The following FOXP1 variants were observed in gnomAD, a reference collection of about 807,000 sequenced individuals.
FOXP1 encodes forkhead box protein P1.
A neutral mutation model predicts 98.2 loss-of-function variants in FOXP1; 15 were observed. That is an observed-to-expected ratio of 0.15 (90% confidence interval 0.10 to 0.24). The LOEUF is 0.24. Ranked by LOEUF, FOXP1 falls within the 10% of genes least tolerant of loss-of-function variation. The probability of loss-of-function intolerance (pLI) is 1.00; values close to 1 mark genes in which losing one functional copy is unlikely to be tolerated. For missense variants in FOXP1, 633 were observed against 848.5 expected, an observed-to-expected ratio of 0.75 and a Z score of 3.15; for synonymous variants, 371 against 314.5, an observed-to-expected ratio of 1.18 and a Z score of -1.90.
In FOXP1 at chr3:71,480,143, C is replaced by T. The variant is rs568755433; in HGVS notation, c.-168+13283G>A. ...CCCGGGAGGCAGAGTAAGAGAAGATCGCGCCACTGCACTCTAGCCTGGGTG... is the reference window on the plus strand; with the variant it reads ...CCCGGGAGGCAGAGTAAGAGAAGATTGCGCCACTGCACTCTAGCCTGGGTG... On this transcript the variant is annotated intron_variant, in intron 3 of 20. Transcript: ENST00000649528. Among the ~76,000 whole-genome samples the T allele has an allele frequency of 4.5e-4, 69 of 152,250 alleles. 1 individual carries two copies. Among genetic ancestry groups the T allele is most frequent in the Admixed American group, 1.6e-3 (25 of 15,284 alleles).
At chr3:71,502,311 C>T (rs565129219) in intron 2 of FOXP1, among the ~76,000 whole-genome samples, 3 of 152,302 alleles carry the variant, frequency 2.0e-5, no homozygotes, top group South Asian at 4.1e-4. Context: ...CCTGGAAGGA[C>T]GGTCAAGTGA....
At chr3:71,500,599 A>G (rs985796389) in intron 2 of FOXP1, among the ~76,000 whole-genome samples, 1 of 152,212 alleles carries the variant, frequency 6.6e-6, no homozygotes, top group African/African-American at 2.4e-5. Context: ...CATCATCTGG[A>G]TGAATGGAGA....
chr3:70,962,184 T>C (rs1559568344), intron 20 of FOXP1, among the ~76,000 whole-genome samples: 1 of 152,270 alleles, frequency 6.6e-6, no homozygotes, highest in South Asian at 2.1e-4. Flanking sequence ...TTACAATTTA[T>C]AATGTTTATG....
At chr3:70,960,504 T>C (rs2033119608) in intron 20 of FOXP1, among the ~76,000 whole-genome samples, 1 of 152,252 alleles carries the variant, frequency 6.6e-6, no homozygotes, top group African/African-American at 2.4e-5. Context: ...CAACTGATCC[T>C]TTGCATATAC....
At chr3:71,456,469 A>T (rs753084881) in intron 3 of FOXP1, among the ~76,000 whole-genome samples, 9 of 152,184 alleles carry the variant, frequency 5.9e-5, no homozygotes, top group Non-Finnish European at 1.3e-4. Context: ...CATATTGTCA[A>T]CATCAGAATA....
chr3:71,050,956 C>G (rs528311813), intron 9 of FOXP1, among the ~76,000 whole-genome samples: 25 of 152,158 alleles, frequency 1.6e-4, no homozygotes, highest in Non-Finnish European at 3.1e-4. Context: ...AAGGAAAAAA[C>G]TGAAATTCCC....
At chr3:71,311,069 T>A (rs1180300874) in intron 4 of FOXP1, among the ~76,000 whole-genome samples, 1 of 151,976 alleles carries the variant, frequency 6.6e-6, no homozygotes, top group Non-Finnish European at 1.5e-5. Flanking sequence ...CCCCTCCCAC[T>A]TTTTTTTGTT....
chr3:71,083,151 G>A (rs1048051566), intron 7 of FOXP1, among the ~76,000 whole-genome samples: 2 of 152,096 alleles, frequency 1.3e-5, no homozygotes, highest in African/African-American at 4.8e-5. Flanking sequence ...CTGGTGGGAG[G>A]TATTTGGGTC....
intron 3 of FOXP1, among the ~76,000 whole-genome samples, chr3:71,492,079 G>A (rs1012851356): frequency 2.6e-5 from 4 of 152,048 alleles, no homozygotes; most frequent in Admixed American, 1.3e-4. Context: ...TGTAAACTGA[G>A]GTATTTAAAT....
At chr3:71,044,847 G>T (rs1032541148) in intron 10 of FOXP1, among the ~76,000 whole-genome samples, 2 of 152,144 alleles carry the variant, frequency 1.3e-5, no homozygotes, top group African/African-American at 4.8e-5. Context: ...GACAAACAGA[G>T]TTGATCAACC....
intron 9 of FOXP1, among the ~76,000 whole-genome samples, chr3:71,050,771 C>T (rs2049777451): frequency 1.3e-5 from 2 of 152,226 alleles, no homozygotes; most frequent in African/African-American, 4.8e-5. Flanking sequence ...ATGACAAGCA[C>T]TGTCTGAGAC....
chr3:71,218,743 A>C (rs2065130564), intron 5 of FOXP1, among the ~76,000 whole-genome samples: 2 of 152,226 alleles, frequency 1.3e-5, no homozygotes, highest in African/African-American at 4.8e-5. Context: ...TTTATTTACA[A>C]AACAGGCGAC....
At chr3:71,038,157 T>A (rs1243111299) in intron 11 of FOXP1, among the ~76,000 whole-genome samples, 1 of 152,130 alleles carries the variant, frequency 6.6e-6, no homozygotes, top group African/African-American at 2.4e-5. Context: ...CCAAATGGCA[T>A]GGAAATACAT....
rs76430601 is a variant in FOXP1 at position 71,437,862 on chromosome 3, C to T, written c.-168+55564G>A. On this transcript the variant is annotated intron_variant, in intron 3 of 20. Transcript: ENST00000649528. The stretch of plus-strand genomic sequence containing the variant: ...TGCCTCAAGAGGACAGGGCCCCACC[C>T]GCACTTGCAGACAAAAAGAAAAGCT... 5.2e-3 allele frequency among the ~76,000 whole-genome samples: 795 copies of T among 152,254 alleles called. 8 individuals are homozygous for T. Among genetic ancestry groups the T allele is most frequent in the Non-Finnish European group, 6.5e-3 (441 of 68,026 alleles).
intron 7 of FOXP1, among the ~76,000 whole-genome samples, chr3:71,087,107 A>T (rs1176108263): frequency 6.6e-6 from 1 of 152,202 alleles, no homozygotes; most frequent in Admixed American, 6.5e-5. Context: ...TAGGGACTGA[A>T]TTCCAACAAA....
intron 6 of FOXP1, among the ~76,000 whole-genome samples, chr3:71,172,967 C>T (rs577494122): frequency 1.3e-5 from 2 of 152,236 alleles, no homozygotes; most frequent in South Asian, 2.1e-4. Context: ...GAAATGAAGT[C>T]GTATCCAGAG....
chr3:71,004,324 CTTAT>C (rs2042493003), intron 12 of FOXP1, among the ~76,000 whole-genome samples: 1 of 151,858 alleles, frequency 6.6e-6, no homozygotes, highest in Non-Finnish European at 1.5e-5. Context: ...ATGATTTTGC[CTTAT>C]TTAATCACGA....
chr3:71,008,279 T>TA (rs1396836334), intron 12 of FOXP1, among the ~76,000 whole-genome samples: 4 of 151,904 alleles, frequency 2.6e-5, no homozygotes, highest in Non-Finnish European at 5.9e-5. Flanking sequence ...ACATGAGCAT[T>TA]AAAAAAAGGG....
rs1002112189 is a variant in FOXP1 at position 71,313,903 on chromosome 3, T to G, written c.-72-14023A>C. On this transcript the variant is annotated intron_variant, in intron 4 of 20. Transcript: ENST00000649528. ...TTACAGAATATAGTACTATACAGTA[T>G]ACTTTAGACTAGAATAGTTCAGAAT... Among the ~76,000 whole-genome samples, 6 of 152,172 alleles carry G rather than the reference T, an allele frequency of 3.9e-5. No homozygotes were observed. The South Asian group carries it at 1.0e-3, about 26-fold the overall frequency.
Sources: gnomAD v4.1 joint callset for allele counts (sites outside exome capture counted in the v4.1 genomes callset) on GRCh38, gnomAD v4.1.1 for gene constraint, MANE v1.5 for transcripts, NCBI Gene and HGNC (gene_info 2026-07-23, HGNC 2026-07-21) for gene names.